Variants in VILL observed in about 807,000 individuals in gnomAD.
VILL encodes villin like.
In VILL, 102 loss-of-function variants were observed where a neutral mutation model predicts 106.3. That is an observed-to-expected ratio of 0.96 (90% CI 0.82 to 1.13). The LOEUF (loss-of-function observed/expected upper bound fraction) is 1.13. VILL is among the 50% of genes most tolerant of loss of function. The probability of loss-of-function intolerance (pLI) is 0.00; values close to 1 mark genes in which losing one functional copy is unlikely to be tolerated. For synonymous variants in VILL, 431 were observed against 440.3 expected, an observed-to-expected ratio of 0.98 and a Z score of 0.27; for missense variants, 1,076 against 1,116.6, an observed-to-expected ratio of 0.96 and a Z score of 0.52.
Position 37,997,054 on chromosome 3 carries a change from G to C in VILL, c.451-23G>C. 4 of 1,607,586 alleles carry C rather than the reference G, an allele frequency of 2.5e-6. No homozygotes were observed. The highest frequency in any genetic ancestry group is 3.4e-6 in the Non-Finnish European group (4 of 1,174,378). ...GCGGATGCTGGTGGTATGACACTCT[G>C]TCTCTCTCCCTGGCTCTGGCAGGTG... On this transcript the variant is annotated intron_variant, in intron 5 of 19. Transcript: ENST00000383759. The surrounding 1 kb of genome is among the most constrained non-coding windows in gnomAD (Gnocchi z 4.7).
chr3:37,996,103 G>A (rs1699695888), intron 5 of VILL, among the ~76,000 whole-genome samples: 1 of 152,208 alleles, frequency 6.6e-6, no homozygotes, highest in South Asian at 2.1e-4. Context: ...GGGAGGCTGA[G>A]GCAGGAGGAT....
Position 37,998,413 on chromosome 3 carries a change from C to G in VILL, c.942+49C>G. On this transcript the variant is annotated intron_variant, in intron 9 of 19. Transcript: ENST00000383759. This position sits in a 1 kb window ranked among gnomAD's most constrained non-coding sequence, Gnocchi z 4.1. Reference sequence around the variant, plus strand: ...GAGGAACAGAGCACTGCCCTGGGGTCTGAGTGGGGAGGCAGCTCCGCCCCA... The same window carrying G: ...GAGGAACAGAGCACTGCCCTGGGGTGTGAGTGGGGAGGCAGCTCCGCCCCA... 2 of 1,575,724 alleles carry G rather than the reference C, an allele frequency of 1.3e-6. No homozygotes were observed. The highest frequency in any genetic ancestry group is 1.7e-6 in the Non-Finnish European group (2 of 1,146,870).
chr3:38,003,557 CTCCCTGCATTG>C, intron 15 of VILL: 1 of 519,558 alleles, frequency 1.9e-6, no homozygotes, highest in Non-Finnish European at 3.4e-6. Flanking sequence ...GCAGCATCCC[CTCCCTGCATTG>C]TCCTGGTCCT....
chr3:37,995,705 G>C, intron 4 of VILL, 34 bp from the exon 5 acceptor site: 1 of 1,546,586 alleles, frequency 6.5e-7, no homozygotes, highest in Non-Finnish European at 8.9e-7. Context: ...TATATACACA[G>C]AATGTATATA....
Position 37,998,396 on chromosome 3 carries a change from G to C in VILL, c.942+32G>C. 2 of 1,606,336 alleles carry C rather than the reference G, an allele frequency of 1.2e-6. No homozygotes were observed. Among genetic ancestry groups the C allele is most frequent in the Non-Finnish European group, 1.7e-6 (2 of 1,173,236 alleles). On this transcript the variant is annotated intron_variant, in intron 9 of 19. Coordinates refer to ENST00000383759, the MANE Select transcript of VILL (RefSeq NM_015873.4). The surrounding 1 kb of genome is among the most constrained non-coding windows in gnomAD (Gnocchi z 4.1). ...CCTGGGGCTCTGTCTGAGAGGAACAGAGCACTGCCCTGGGGTCTGAGTGGG... is the reference window on the plus strand; with the variant it reads ...CCTGGGGCTCTGTCTGAGAGGAACACAGCACTGCCCTGGGGTCTGAGTGGG...
intron 4 of VILL, among the ~76,000 whole-genome samples, 194 bp downstream of exon 4, chr3:37,994,660 AAC>A (rs1220257372): frequency 2.0e-5 from 3 of 152,366 alleles, no homozygotes; most frequent in East Asian, 3.9e-4. Flanking sequence ...AGTGATTTTT[AAC>A]AGTTGTGTGC....
In VILL at chr3:38,001,733, C is replaced by T. The variant is rs1699820325; in HGVS notation, c.1352C>T (p.Ala451Val). 1 of 1,614,230 alleles carries T rather than the reference C, an allele frequency of 6.2e-7. No individual in the cohort carries two copies. Among genetic ancestry groups the T allele is most frequent in the Non-Finnish European group, 8.5e-7 (1 of 1,180,024 alleles). The stretch of plus-strand genomic sequence containing the variant: ...CAGGCCACTGCGGATGAGATTGAGG[C>T]CCTGAACAGCAACGCTGAGGAACTA... ...GHQATADEIEALNSNAEELDV... is the reference protein window; with the variant it reads ...GHQATADEIEVLNSNAEELDV... Residue 451 changes from alanine to valine, a missense_variant, in exon 13 of 20, where the codon GCC becomes GTC. Coordinates refer to ENST00000383759, the MANE Select transcript of VILL (RefSeq NM_015873.4).
At chr3:37,993,793 T>C (rs2125528841) in intron 2 of VILL, 61 bp downstream of exon 2, 3 of 1,606,760 alleles carry the variant, frequency 1.9e-6, no homozygotes, top group East Asian at 4.5e-5. Flanking sequence ...TTTTCCACAC[T>C]AGGCTTCTCC....
intron 14 of VILL, 122 bp downstream of exon 14, chr3:38,002,697 G>A (rs1699841704): frequency 8.4e-7 from 1 of 1,195,106 alleles, no homozygotes; most frequent in African/African-American, 1.5e-5. Flanking sequence ...TGGGGGGAAT[G>A]GGGAGGGGAA....
At position 37,993,907 on chromosome 3, in the gene VILL, A is replaced by G. The variant is rs773742360; in HGVS notation, c.70A>G (p.Met24Val). 6.2e-7 allele frequency: 1 copy of G among 1,614,164 alleles called. No homozygotes were observed. The highest frequency in any genetic ancestry group is 8.5e-7 in the Non-Finnish European group (1 of 1,180,014). The change falls in exon 3 of 20, where the codon ATG becomes GTG. Residue 24 changes from methionine to valine, a missense_variant. Coordinates refer to ENST00000383759, the MANE Select transcript of VILL (RefSeq NM_015873.4). ...AACTCTCCTCTCCCAGAACCGGAAG[A>G]TGGTGCCGGTACCCGAGGGGGCTTA... The part of the protein sequence containing the change: ...LHIWISENRK[M>V]VPVPEGAYGN...
rs748285515 is a variant in VILL, at chr3:38,001,958, G to GCCTGCTTATCATCCCCTAGTTT, written c.1479+101_1479+122dup. 5.1e-4 allele frequency: 801 copies of GCCTGCTTATCATCCCCTAGTTT among 1,558,492 alleles called. 1 individual carries two copies. Among genetic ancestry groups the GCCTGCTTATCATCCCCTAGTTT allele is most frequent in the Non-Finnish European group, 6.3e-4 (725 of 1,149,174 alleles). ...TAAGCACCTTCTCTTTGGGCCTGGGGCCTGCTTATCATCCCCTAGTTTCCC... is the reference window on the plus strand; with the variant it reads ...TAAGCACCTTCTCTTTGGGCCTGGGGCCTGCTTATCATCCCCTAGTTTCCTGCTTATCATCCCCTAGTTTCCC... On this transcript the variant is annotated intron_variant, in intron 13 of 19. Coordinates refer to ENST00000383759, the MANE Select transcript of VILL (RefSeq NM_015873.4).
chr3:37,999,094 C>T (rs1178599834), intron 10 of VILL, 44 bp downstream of exon 10: 9 of 52,466 alleles, frequency 1.7e-4, no homozygotes, highest in Middle Eastern at 0.011. Context: ...GCGGGACTGG[C>T]GGGGGCGGGG....
At position 38,005,971 on chromosome 3, in the gene VILL, G is replaced by A. The variant is rs1322487360; in HGVS notation, c.2130G>A (p.Trp710Ter). The change falls in exon 17 of 20, where the codon TGG becomes TGA. Residue 710 changes from tryptophan (W) to a stop codon, truncating the protein, a stop_gained. Coordinates refer to ENST00000383759, the MANE Select transcript of VILL (RefSeq NM_015873.4). LOFTEE classifies it high-confidence loss of function. ...TCTTCACTTGGGACCCCTACAAGTG[G>A]ACTGTGAGTGAGGCCTGAAACCCCC... The part of the protein sequence containing the change: ...GWFFTWDPYK[W>*]TSHPSHKEVV... 6.2e-7 allele frequency: 1 copy of A among 1,609,422 alleles called. No individual in the cohort carries two copies. Among genetic ancestry groups the A allele is most frequent in the African/African-American group, 1.3e-5 (1 of 74,854 alleles).
At chr3:38,004,709 G>A (rs1315416643) in intron 16 of VILL, among the ~76,000 whole-genome samples, 2 of 152,202 alleles carry the variant, frequency 1.3e-5, no homozygotes, top group African/African-American at 2.4e-5. Flanking sequence ...CAGTGCCTGC[G>A]GCCGAGCATG....
chr3:37,989,925 G>A (rs531022691), upstream of VILL, among the ~76,000 whole-genome samples: 5 of 152,298 alleles, frequency 3.3e-5, no homozygotes, highest in African/African-American at 7.2e-5. Context: ...GACTGCCCCC[G>A]AGTCCCCAAG....
In VILL at chr3:38,006,218, C is replaced by G; in HGVS notation, c.2171C>G (p.Pro724Arg). Residue 724 changes from proline to arginine, a missense_variant, in exon 18 of 20, where the codon CCG (proline) becomes CGG (arginine). Physicochemically the swap from Pro to Arg is moderately radical, Grantham distance 103. Transcript: ENST00000383759. ...CACAAGGAAGTGGTGGATGGCAGCCCGGCAGCAGCATCAACCATCTCTGAG... is the reference window on the plus strand; with the variant it reads ...CACAAGGAAGTGGTGGATGGCAGCCGGGCAGCAGCATCAACCATCTCTGAG... ...PSHKEVVDGS[P>R]AAASTISEIT... is the part of the protein sequence containing the mutation. 6.2e-7 allele frequency: 1 copy of G among 1,614,176 alleles called. No individual in the cohort carries two copies. The highest frequency in any genetic ancestry group is 8.5e-7 in the Non-Finnish European group (1 of 1,180,016).
Position 37,997,279 on chromosome 3 carries a change from C to G in VILL, c.561+92C>G. 1 of 1,366,794 alleles carries G rather than the reference C, an allele frequency of 7.3e-7. No individual in the cohort carries two copies. The highest frequency in any genetic ancestry group is 2.3e-5 in the East Asian group (1 of 43,220). The allele number at this position is 1,366,794 out of a possible 1,614,324, so 84.7% of individuals were successfully genotyped here. A position where few individuals can be genotyped will look rare whatever the true frequency, so the allele number is the denominator to read the frequency against. Reference sequence around the variant, plus strand: ...TCCTCCGGCCACCCAAAGAGTTGGGCTTGGCTCTGCTACAACCCAAGAAAC... The same window carrying G: ...TCCTCCGGCCACCCAAAGAGTTGGGGTTGGCTCTGCTACAACCCAAGAAAC... On this transcript the variant is annotated intron_variant, in intron 6 of 19. Transcript: ENST00000383759. This position sits in a 1 kb window ranked among gnomAD's most constrained non-coding sequence, Gnocchi z 4.7.
rs762013964 is a variant in VILL, at chr3:37,994,417, CAGGGCCACGAGTCCG to C, written c.294_308del (p.Gln98_Asp103delinsHis). The C allele has an allele frequency of 6.2e-7, 1 of 1,612,678 alleles. No homozygotes were observed. Among genetic ancestry groups the C allele is most frequent in the South Asian group, 1.1e-5 (1 of 91,064 alleles). ...CCAGACCGTGCTGCACCGCGAGGCG[CAGGGCCACGAGTCCG>C]ACTGCTTCTGCAGCTACTTCCGCCC... On this transcript the variant is annotated inframe_deletion, in exon 4 of 20. Coordinates refer to ENST00000383759, the MANE Select transcript of VILL (RefSeq NM_015873.4).
At position 38,001,505 on chromosome 3, in the gene VILL, A is replaced by G. The variant is rs968113423; in HGVS notation, c.1232A>G (p.His411Arg). The G allele has an allele frequency of 1.1e-5, 18 of 1,614,098 alleles. No homozygotes were observed. In the African/African-American group the frequency reaches 2.4e-4, roughly 22 times the overall value. ...LHRQPVDPKRHGQLCAGNCYL... is the reference protein window; with the variant it reads ...LHRQPVDPKRRGQLCAGNCYL... ...AGGCAGCCCGTGGACCCCAAGCGTC[A>G]TGGACAGCTGTGTGCAGGCAACTGC... Residue 411 changes from histidine (H) to arginine (R), a missense_variant, in exon 12 of 20, where the codon CAT (histidine) becomes CGT (arginine). By Grantham distance (29) the His-to-Arg change is conservative. Transcript: ENST00000383759.
Sources: allele counts gnomAD v4.1 joint callset (sites outside exome capture counted in the v4.1 genomes callset), GRCh38; gene constraint gnomAD v4.1.1; non-coding constraint Gnocchi (gnomAD v3.1); transcripts MANE v1.5; gene names NCBI Gene and HGNC (gene_info 2026-07-23, HGNC 2026-07-21).